The following C6orf62 variants were observed in gnomAD, a reference collection of about 807,000 sequenced individuals.
C6orf62 encodes chromosome 6 open reading frame 62, also known as uncharacterized protein C6orf62.
A neutral mutation model predicts 26.8 loss-of-function variants in C6orf62; 16 were observed. That is an observed-to-expected ratio of 0.60 (90% CI 0.40 to 0.91). The LOEUF is 0.91. Ranked by LOEUF, C6orf62 falls within the 40% of genes least tolerant of loss-of-function variation. The pLI, the probability that C6orf62 is intolerant of heterozygous loss-of-function variation, is 0.00. For missense variants in C6orf62, 192 were observed against 271.4 expected, an observed-to-expected ratio of 0.71 and a Z score of 2.06; for synonymous variants, 112 against 91.5, an observed-to-expected ratio of 1.22 and a Z score of -1.28.
At chr6:24,719,319 G>C (rs1025597270), upstream of C6orf62, 19 of 995,058 alleles carry the variant, frequency 1.9e-5, no homozygotes, top group Middle Eastern at 5.2e-4. Context: ...GCTATGTATT[G>C]TCAGTGCTTG....
At chr6:24,716,750 TCTCA>T (rs1233165858) in intron 1 of C6orf62, among the ~76,000 whole-genome samples, 2 of 151,164 alleles carry the variant, frequency 1.3e-5, no homozygotes, top group Non-Finnish European at 2.9e-5. Context: ...TGAGATGGAG[TCTCA>T]CTGTGTTGCC....
At chr6:24,720,387 G>C (rs567977052), upstream of C6orf62, 3 of 1,177,928 alleles carry the variant, frequency 2.5e-6, no homozygotes, top group South Asian at 1.2e-4. Flanking sequence ...AGTGCGCACC[G>C]TGACTGGACC....
At chr6:24,714,992 T>C (rs573447745) in intron 2 of C6orf62, among the ~76,000 whole-genome samples, 40 of 152,292 alleles carry the variant, frequency 2.6e-4, no homozygotes, top group African/African-American at 8.4e-4. Flanking sequence ...CCTAGACTTA[T>C]CAGTGCATGG....
chr6:24,717,138 A>G (rs899866933), intron 1 of C6orf62, among the ~76,000 whole-genome samples: 2 of 152,250 alleles, frequency 1.3e-5, no homozygotes, highest in East Asian at 1.9e-4. Context: ...TATTAAGTAT[A>G]TATCATGAAT....
intron 3 of C6orf62, chr6:24,710,705 C>G (rs1779104956): frequency 2.4e-6 from 2 of 817,338 alleles, no homozygotes; most frequent in Non-Finnish European, 3.0e-6. Flanking sequence ...GGTAAGTAAT[C>G]TGATAAACGC....
chr6:24,718,859 A>G lies in C6orf62; in HGVS notation c.-191T>C. 7.0e-7 allele frequency: 1 copy of G among 1,420,668 alleles called. No individual in the cohort carries two copies. The highest frequency in any genetic ancestry group is 9.1e-7 in the Non-Finnish European group (1 of 1,095,414). The allele number at this position is 1,420,668 out of a possible 1,614,324, so 88.0% of individuals were successfully genotyped here. On this transcript the variant is annotated 5_prime_UTR_variant, in exon 1 of 5. Transcript: ENST00000378119. ...TAGCAGACTGTCATATTACAGGGTCAAGAAACAAAAGCTGCTGTCCAGTCA... is the reference window on the plus strand; with the variant it reads ...TAGCAGACTGTCATATTACAGGGTCGAGAAACAAAAGCTGCTGTCCAGTCA...
intron 3 of C6orf62, 141 bp downstream of exon 3, chr6:24,714,177 A>T: frequency 1.7e-6 from 1 of 590,738 alleles, no homozygotes; most frequent in Non-Finnish European, 2.8e-6. Context: ...CTTCTCTTGC[A>T]TCACAATATT....
In C6orf62 at chr6:24,705,668, T is replaced by C. The variant is rs1308562305; in HGVS notation, c.*469A>G. 6.5e-6 allele frequency: 1 copy of C among 152,940 alleles called. No individual in the cohort carries two copies. 9.5% of individuals were successfully genotyped at this position (152,940 alleles called of 1,614,324 possible). Reference sequence around the variant, plus strand: ...CTGGTCATTAGAATGTATCTGACAGTGCTCTGGAACAACTGTGATTATAGC... The same window carrying C: ...CTGGTCATTAGAATGTATCTGACAGCGCTCTGGAACAACTGTGATTATAGC... On this transcript the variant is annotated 3_prime_UTR_variant, in exon 5 of 5. Transcript: ENST00000378119.
upstream of C6orf62, chr6:24,719,830 C>A (rs1037953963): frequency 5.2e-6 from 8 of 1,549,554 alleles, no homozygotes; most frequent in South Asian, 1.2e-5. Flanking sequence ...GTCCCACCCC[C>A]ACCCCTTGCC....
At position 24,718,781 on chromosome 6, in the gene C6orf62, T is replaced by G; in HGVS notation, c.-113A>C. 6.4e-7 allele frequency: 1 copy of G among 1,563,288 alleles called. No individual in the cohort carries two copies. The highest frequency in any genetic ancestry group is 2.3e-5 in the East Asian group (1 of 44,410). On this transcript the variant is annotated 5_prime_UTR_variant, in exon 1 of 5. Transcript: ENST00000378119. ...GTCATTTTTTTTCCTGCTAATATGA[T>G]TGATTAGCGAAAATCACGACTATAA...
rs1214949385 is a variant in C6orf62, at chr6:24,705,026, A to G, written c.*1111T>C. 1.3e-5 allele frequency: 2 copies of G among 152,160 alleles called. No homozygotes were observed. Among genetic ancestry groups the G allele is most frequent in the African/African-American group, 2.4e-5 (1 of 41,368 alleles). 9.4% of individuals were successfully genotyped at this position (152,160 alleles called of 1,614,324 possible). On this transcript the variant is annotated 3_prime_UTR_variant, in exon 5 of 5. Coordinates refer to ENST00000378119, the MANE Select transcript of C6orf62 (RefSeq NM_030939.5). ...AGTAGGATCATTCAGATTTACTCCA[A>G]TAAAAGTATGCAACCCTTAAGCAAA...
At chr6:24,709,062 A>G (rs1387930634) in intron 3 of C6orf62, 151 bp from the exon 4 acceptor site, 4 of 1,444,844 alleles carry the variant, frequency 2.8e-6, no homozygotes, top group African/African-American at 2.9e-5. Context: ...CCCACAGCCA[A>G]TAATATCACA....
chr6:24,705,475 T>A lies in C6orf62; in HGVS notation c.*662A>T, dbSNP rs1283492724. 2 of 152,590 alleles carry A rather than the reference T, an allele frequency of 1.3e-5. No individual in the cohort carries two copies. Among genetic ancestry groups the A allele is most frequent in the Non-Finnish European group, 2.9e-5 (2 of 68,048 alleles). The allele number at this position is 152,590 out of a possible 1,614,324, so 9.5% of individuals were successfully genotyped here. A position where few individuals can be genotyped will look rare whatever the true frequency, so the allele number is the denominator to read the frequency against. ...ATAACTGCATCCACACGCAGCAGAA[T>A]ACTCTTACAATAGCAACTTGGGGAA... On this transcript the variant is annotated 3_prime_UTR_variant, in exon 5 of 5. Transcript: ENST00000378119.
intron 3 of C6orf62, among the ~76,000 whole-genome samples, chr6:24,711,677 C>CA (rs1779124894): frequency 7.2e-6 from 1 of 139,484 alleles, no homozygotes; most frequent in African/African-American, 2.7e-5. Flanking sequence ...CTTTAAGAGT[C>CA]AAAAAACAAA....
At chr6:24,719,608 G>A (rs1264302107), upstream of C6orf62, 6 of 1,423,764 alleles carry the variant, frequency 4.2e-6, no homozygotes, top group African/African-American at 7.2e-5. Context: ...CCGGCTCTGT[G>A]GTTAGACCTG....
At position 24,714,398 on chromosome 6, in the gene C6orf62, G is replaced by A. The variant is rs2127634991; in HGVS notation, c.349C>T (p.Pro117Ser). ...ACGATTTTTTCAATATCATTCCGAG[G>A]CCAAAGAATGAAATCCATCTCCTGA... ...CTQEMDFILW[P>S]RNDIEKIVCL... is the part of the protein sequence containing the mutation. The change falls in exon 3 of 5, where the codon CCT becomes TCT. Residue 117 changes from proline (P) to serine (S), a missense_variant. Transcript: ENST00000378119. The A allele has an allele frequency of 6.2e-7, 1 of 1,602,920 alleles. No individual in the cohort carries two copies. The highest frequency in any genetic ancestry group is 8.5e-7 in the Non-Finnish European group (1 of 1,173,878).
In C6orf62 at chr6:24,706,031, G is replaced by A; in HGVS notation, c.*106C>T. On this transcript the variant is annotated 3_prime_UTR_variant, in exon 5 of 5. Coordinates refer to ENST00000378119, the MANE Select transcript of C6orf62 (RefSeq NM_030939.5). The stretch of plus-strand genomic sequence containing the variant: ...AGTTTCAAAATGCATAGTGTTCTGT[G>A]CATGAGTCCATTTTCTTTAAACTCT... The A allele has an allele frequency of 6.8e-7, 1 of 1,477,022 alleles. No individual in the cohort carries two copies. Among genetic ancestry groups the A allele is most frequent in the Non-Finnish European group, 9.1e-7 (1 of 1,101,622 alleles). The allele number at this position is 1,477,022 out of a possible 1,614,324, so 91.5% of individuals were successfully genotyped here. A position where few individuals can be genotyped will look rare whatever the true frequency, so the allele number is the denominator to read the frequency against.
chr6:24,709,675 T>C (rs765080678), intron 3 of C6orf62: 221 of 985,350 alleles, frequency 2.2e-4, no homozygotes, highest in Non-Finnish European at 2.6e-4. Context: ...TGTGAAGTTA[T>C]GAAAGACTGT....
At chr6:24,706,700 C>T (rs115367909) in intron 4 of C6orf62, 1,635 of 162,834 alleles carry the variant, frequency 0.01, 36 homozygotes, top group African/African-American at 0.036. Flanking sequence ...TTGCTTGAGC[C>T]CAAGAGTTCA....
Sources: gnomAD v4.1 joint callset for allele counts (sites outside exome capture counted in the v4.1 genomes callset) on GRCh38, gnomAD v4.1.1 for gene constraint, MANE v1.5 for transcripts, NCBI Gene and HGNC (gene_info 2026-07-23, HGNC 2026-07-21) for gene names.